SMARCC2: variants seen among roughly 807,000 people sequenced by gnomAD.
SMARCC2 encodes SWI/SNF complex subunit SMARCC2.
In SMARCC2, 15 loss-of-function variants were observed where a neutral mutation model predicts 151.3. The ratio of observed to expected loss-of-function variants is 0.10; its 90% CI spans 0.07 to 0.15. The LOEUF (loss-of-function observed/expected upper bound fraction) is 0.15. Among genes scored for constraint, SMARCC2 ranks in the 10% least tolerant of loss-of-function variants. The pLI is 1.00. For synonymous variants in SMARCC2, 590 were observed against 609.5 expected (o/e 0.97, Z 0.47); for missense variants, 1,031 against 1,599.7 (o/e 0.64, Z 6.06).
At chr12:56,167,996 A>ACACG (rs1332801141) in intron 26 of SMARCC2, 64 bp downstream of exon 26, 1 of 1,365,070 alleles carries the variant, frequency 7.3e-7, no homozygotes, top group Non-Finnish European at 1.0e-6. Context: ...ACACACACAC[A>ACACG]CACGCCCCTC....
At position 56,189,405 on chromosome 12, in the gene SMARCC2, G is replaced by C; in HGVS notation, c.57C>G (p.Asp19Glu). 1 of 1,541,178 alleles carries C rather than the reference G, an allele frequency of 6.5e-7. No individual in the cohort carries two copies. The highest frequency in any genetic ancestry group is 8.8e-7 in the Non-Finnish European group (1 of 1,141,066). ...GCACGTTGTCGAACTGGGTCACGGT[G>C]TCCGCGGCCTCGTAGTACTTCACGT... ...GPNVKYYEAA[D>E]TVTQFDNVRL... The change falls in exon 1 of 29, where the codon GAC becomes GAG. Residue 19 changes from aspartate (D) to glutamate (E), a missense_variant. Asp to Glu is a conservative substitution (Grantham distance 45). Coordinates refer to ENST00000550164, the MANE Select transcript of SMARCC2 (RefSeq NM_001330288.2).
chr12:56,181,145 C>G (rs769552412), intron 10 of SMARCC2, 44 bp from the exon 11 acceptor site: 7 of 1,584,818 alleles, frequency 4.4e-6, no homozygotes, highest in Non-Finnish European at 6.0e-6. Context: ...CATCCTTGGA[C>G]AAGGAGTCCC....
At chr12:56,168,240 T>G (rs1873211633) in intron 25 of SMARCC2, 46 bp from the exon 26 acceptor site, 2 of 1,610,652 alleles carry the variant, frequency 1.2e-6, no homozygotes, top group Non-Finnish European at 1.7e-6. Context: ...AGGACCCAAC[T>G]GAAGACAATA....
In SMARCC2 at chr12:56,170,277, C is replaced by CT. The variant is rs539382078; in HGVS notation, c.2348-70dup. ...ACAGTCGTCTGTGTCTAACACTTTT[C>CT]TTTTTTTTTAGAGACAGGGTCTTGC... On this transcript the variant is annotated intron_variant, in intron 22 of 28. Transcript: ENST00000550164. 763 of 650,264 alleles carry CT rather than the reference C, an allele frequency of 1.2e-3. 2 individuals carry two copies. The highest frequency in any genetic ancestry group is 6.2e-3 in the Middle Eastern group (18 of 2,918). The allele number at this position is 650,264 out of a possible 1,614,324, so 40.3% of individuals were successfully genotyped here. A position where few individuals can be genotyped will look rare whatever the true frequency, so the allele number is the denominator to read the frequency against.
intron 7 of SMARCC2, among the ~76,000 whole-genome samples, chr12:56,182,900 C>T (rs371585080): frequency 3.8e-4 from 57 of 150,140 alleles, no homozygotes; most frequent in African/African-American, 1.4e-3. Context: ...GTGGTGCAAT[C>T]ATGGCACAAT....
At chr12:56,165,169 G>T in intron 27 of SMARCC2, 149 bp downstream of exon 27, 1 of 1,017,778 alleles carries the variant, frequency 9.8e-7, no homozygotes, top group Non-Finnish European at 1.3e-6. Context: ...AAGGACTCCT[G>T]CTGATTTAGG....
At chr12:56,178,872 A>G (rs374421207) in intron 12 of SMARCC2, 25 bp from the exon 13 acceptor site, 1 of 1,613,654 alleles carries the variant, frequency 6.2e-7, no homozygotes, top group Non-Finnish European at 8.5e-7. Flanking sequence ...CCAAGATGTA[A>G]GGCTGGAGCC....
rs1322335443 is a variant in SMARCC2, at chr12:56,173,799, G to C, written c.1547C>G (p.Ala516Gly). Residue 516 changes from alanine to glycine, a missense_variant, in exon 17 of 29, where the codon GCT (alanine) becomes GGT (glycine). Physicochemically the swap from Ala to Gly is moderately conservative, Grantham distance 60. Coordinates refer to ENST00000550164, the MANE Select transcript of SMARCC2 (RefSeq NM_001330288.2). The part of the protein sequence containing the change: ...QWGLINYQVD[A>G]ESRPTPMGPP... ...CCCCATTGGGGTTGGTCGACTCTCAGCATCCACCTGGTAGTTAATAAGACC... is the reference window on the plus strand; with the variant it reads ...CCCCATTGGGGTTGGTCGACTCTCACCATCCACCTGGTAGTTAATAAGACC... 2 of 1,613,918 alleles carry C rather than the reference G, an allele frequency of 1.2e-6. No homozygotes were observed. Among genetic ancestry groups the C allele is most frequent in the African/African-American group, 2.7e-5 (2 of 74,922 alleles).
rs1012841684 is a variant in SMARCC2, at chr12:56,165,021, C to T, written c.3233-290G>A. Among the ~76,000 whole-genome samples, 5 of 152,166 alleles carry T rather than the reference C, an allele frequency of 3.3e-5. No individual in the cohort carries two copies. In the East Asian group the frequency reaches 9.6e-4, roughly 29 times the overall value. On this transcript the variant is annotated intron_variant, in intron 27 of 28. Coordinates refer to ENST00000550164, the MANE Select transcript of SMARCC2 (RefSeq NM_001330288.2). ...CAGGATGGTCTCAATCTCCTGACCTCGTGATCCACCCATTTCGGCCTCCCA... is the reference window on the plus strand; with the variant it reads ...CAGGATGGTCTCAATCTCCTGACCTTGTGATCCACCCATTTCGGCCTCCCA...
rs965549472 is a variant in SMARCC2 at position 56,171,124 on chromosome 12, G to A, written c.2347+147C>T. 4.5e-5 allele frequency: 33 copies of A among 740,442 alleles called. No homozygotes were observed. The highest frequency in any genetic ancestry group is 2.2e-6 in the Non-Finnish European group (1 of 458,712). The allele number at this position is 740,442 out of a possible 1,614,324, so 45.9% of individuals were successfully genotyped here. A position where few individuals can be genotyped will look rare whatever the true frequency, so the allele number is the denominator to read the frequency against. On this transcript the variant is annotated intron_variant, in intron 22 of 28. Coordinates refer to ENST00000550164, the MANE Select transcript of SMARCC2 (RefSeq NM_001330288.2). The surrounding 1 kb of genome is among the most constrained non-coding windows in gnomAD (Gnocchi z 4.2). Reference sequence around the variant, plus strand: ...ACTAGTAGGGCTCCAGAGCCCCTGAGGTAAACTCATGGGGAAAATAAAAAC... The same window carrying A: ...ACTAGTAGGGCTCCAGAGCCCCTGAAGTAAACTCATGGGGAAAATAAAAAC...
intron 17 of SMARCC2, among the ~76,000 whole-genome samples, chr12:56,173,411 C>A (rs1874333013): frequency 6.6e-6 from 1 of 152,058 alleles, no homozygotes; most frequent in African/African-American, 2.4e-5. Context: ...AAATTTCATG[C>A]AAGTTAATTT....
At chr12:56,181,912 G>C in intron 8 of SMARCC2, 77 bp from the exon 9 acceptor site, 1 of 1,598,314 alleles carries the variant, frequency 6.3e-7, no homozygotes, top group Non-Finnish European at 8.6e-7. Flanking sequence ...AACAGAAAAA[G>C]CTCAAGGGCA....
chr12:56,181,237 C>A, intron 10 of SMARCC2, 136 bp from the exon 11 acceptor site: 1 of 854,592 alleles, frequency 1.2e-6, no homozygotes, highest in Non-Finnish European at 1.8e-6. Context: ...AGTAATCACA[C>A]AGTAATGGGA....
At chr12:56,181,409 G>C in intron 10 of SMARCC2, 73 bp downstream of exon 10, 1 of 968,124 alleles carries the variant, frequency 1.0e-6, no homozygotes, top group Non-Finnish European at 1.6e-6. Context: ...TATAGGAAGG[G>C]ATTTGTCTTT....
chr12:56,167,808 CTCCTGCCCTGT>C (rs1592278991), intron 26 of SMARCC2, among the ~76,000 whole-genome samples: 1 of 152,024 alleles, frequency 6.6e-6, no homozygotes, highest in Non-Finnish European at 1.5e-5. Flanking sequence ...GGCTGCCCTA[CTCCTGCCCTGT>C]TCCTGCCCTG....
chr12:56,180,424 A>G (rs923377317), intron 11 of SMARCC2, among the ~76,000 whole-genome samples: 4 of 85,146 alleles, frequency 4.7e-5, no homozygotes, highest in African/African-American at 1.9e-4. Context: ...TTTTTTTGAG[A>G]TGGAGTTTTG....
chr12:56,177,538 A>C (rs1409950711), intron 15 of SMARCC2, among the ~76,000 whole-genome samples: 1 of 152,048 alleles, frequency 6.6e-6, no homozygotes, highest in Non-Finnish European at 1.5e-5. Flanking sequence ...GTCGTGAGCC[A>C]CCGTGGCTCC....
intron 15 of SMARCC2, among the ~76,000 whole-genome samples, chr12:56,176,604 A>G (rs969117242): frequency 3.3e-5 from 5 of 149,842 alleles, no homozygotes; most frequent in East Asian, 3.9e-4. Context: ...CAGCCTCCCA[A>G]GTAGCTGGAA....
chr12:56,175,097 C>T (rs1037761171), intron 15 of SMARCC2, among the ~76,000 whole-genome samples: 12 of 152,222 alleles, frequency 7.9e-5, no homozygotes, highest in South Asian at 2.1e-4. Flanking sequence ...TGGCAACTTC[C>T]GCCTCCTGGG....
Sources: gnomAD v4.1 joint callset for allele counts (sites outside exome capture counted in the v4.1 genomes callset) on GRCh38, gnomAD v4.1.1 for gene constraint, Gnocchi (gnomAD v3.1) non-coding constraint, MANE v1.5 for transcripts, NCBI Gene and HGNC (gene_info 2026-07-23, HGNC 2026-07-21) for gene names.